AFF2: variants seen among roughly 807,000 people sequenced by gnomAD.
AFF2 encodes AF4/FMR2 family member 2.
AFF2 carries 14 observed loss-of-function variants against 76.9 expected under a neutral mutation model. The observed-to-expected ratio is 0.18, with a 90% CI of 0.12 to 0.28. The LOEUF is 0.28. AFF2 is among the 10% of genes least tolerant of loss of function. The pLI is 1.00. For synonymous variants in AFF2, 398 were observed against 366.7 expected, an observed-to-expected ratio of 1.09 and a Z score of -0.98; for missense variants, 868 against 1,001.1, an observed-to-expected ratio of 0.87 and a Z score of 1.79.
chrX:148,605,762 G>A (rs958730641), intron 1 of AFF2, among the ~76,000 whole-genome samples: 9 of 111,822 alleles, frequency 8.0e-5, no homozygotes, highest in Non-Finnish European at 5.7e-5. Flanking sequence ...TGATAGTAAC[G>A]GGTTATGATC....
chrX:148,501,321 G>T (rs1035735144), intron 1 of AFF2, among the ~76,000 whole-genome samples, 177 bp downstream of exon 1: 59 of 112,526 alleles, frequency 5.2e-4, no homozygotes, highest in Non-Finnish European at 8.6e-4. Context: ...ATGCCGGGGT[G>T]GGGGGAGGTG....
At chrX:148,764,098 A>T (rs1394373707) in intron 3 of AFF2, among the ~76,000 whole-genome samples, 1 of 112,138 alleles carries the variant, frequency 8.9e-6, no homozygotes, top group African/African-American at 3.2e-5. Context: ...CTGCCTTTTA[A>T]ATACCAAAGA....
At chrX:148,871,645 G>A (rs140548683) in intron 7 of AFF2, among the ~76,000 whole-genome samples, 75 of 111,630 alleles carry the variant, frequency 6.7e-4, no homozygotes, top group African/African-American at 1.5e-3. Flanking sequence ...ATGGGGGCAG[G>A]TGATTTGTAC....
intron 3 of AFF2, among the ~76,000 whole-genome samples, chrX:148,805,722 G>C (rs2070122063): frequency 8.9e-6 from 1 of 112,863 alleles, no homozygotes; most frequent in South Asian, 3.6e-4. Flanking sequence ...GATAATTTGT[G>C]TGTGGTCTCT....
intron 12 of AFF2, among the ~76,000 whole-genome samples, chrX:148,961,374 C>T (rs1465291790): frequency 8.9e-6 from 1 of 112,435 alleles, no homozygotes; most frequent in Non-Finnish European, 1.9e-5. Flanking sequence ...TGTTCACCAT[C>T]ATTTTAATCA....
intron 2 of AFF2, among the ~76,000 whole-genome samples, chrX:148,656,233 CA>C (rs1171904935): frequency 1.8e-4 from 20 of 111,728 alleles, no homozygotes; most frequent in Non-Finnish European, 1.9e-5. Context: ...ATATGATTTT[CA>C]AATTGGAGTT....
intron 3 of AFF2, among the ~76,000 whole-genome samples, chrX:148,801,789 C>T (rs184381799): frequency 1.6e-4 from 18 of 111,647 alleles, no homozygotes; most frequent in Middle Eastern, 9.2e-3. Context: ...CTCCACATCA[C>T]CACTTTATAT....
chrX:148,994,119 G>A lies in AFF2; in HGVS notation c.*2787G>A, dbSNP rs191480494. The A allele has an allele frequency of 5.4e-5, 6 of 111,240 alleles. No individual in the cohort carries two copies. The highest frequency in any genetic ancestry group is 4.6e-3 in the Middle Eastern group (1 of 216). The allele number at this position is 111,240 out of a possible 1,213,427, so 9.2% of individuals were successfully genotyped here. On this transcript the variant is annotated 3_prime_UTR_variant, in exon 21 of 21. Coordinates refer to ENST00000370460, the MANE Select transcript of AFF2 (RefSeq NM_002025.4). ...GACACACTTAAATAAGCACGTGGAG[G>A]TTAGAATAGAGGGCAGAGTAAAAGG...
intron 1 of AFF2, among the ~76,000 whole-genome samples, chrX:148,642,625 G>A (rs2054101313): frequency 1.8e-5 from 2 of 111,856 alleles, no homozygotes; most frequent in Admixed American, 1.9e-4. Context: ...CTTGGGACGT[G>A]GCGCATGGGA....
intron 1 of AFF2, among the ~76,000 whole-genome samples, chrX:148,602,449 G>T (rs1557248197): frequency 2.7e-5 from 3 of 109,819 alleles, no homozygotes; most frequent in Non-Finnish European, 3.8e-5. Flanking sequence ...GGATTGGGGG[G>T]TGTGGGATTG....
At chrX:148,983,767 G>A (rs894654741) in intron 19 of AFF2, among the ~76,000 whole-genome samples, 73 of 108,418 alleles carry the variant, frequency 6.7e-4, no homozygotes, top group East Asian at 1.5e-3. Flanking sequence ...CAGGCCTTTT[G>A]TAGACATATC....
chrX:148,558,487 T>C (rs1322372138), intron 1 of AFF2, among the ~76,000 whole-genome samples: 1 of 111,468 alleles, frequency 9.0e-6, no homozygotes, highest in Non-Finnish European at 1.9e-5. Flanking sequence ...GACATATATA[T>C]AGCTGCTCTG....
chrX:148,806,499 C>G (rs782139875), intron 3 of AFF2, among the ~76,000 whole-genome samples: 6 of 111,813 alleles, frequency 5.4e-5, no homozygotes, highest in Non-Finnish European at 5.6e-5. Context: ...ATCAGACCTC[C>G]TGTTTGGTCT....
At position 148,940,721 on chromosome X, in the gene AFF2, C is replaced by A. The variant is rs200420742; in HGVS notation, c.1398-12859C>A. On this transcript the variant is annotated intron_variant, in intron 9 of 20. Coordinates refer to ENST00000370460, the MANE Select transcript of AFF2 (RefSeq NM_002025.4). ...GTTGTAAGCCCTGCCATTCCACATA[C>A]AGGAGTCAGTGTTGAGTAAGGCTGC... Among the ~76,000 whole-genome samples the A allele has an allele frequency of 1.2e-4, 13 of 111,738 alleles. No individual in the cohort carries two copies. In the East Asian group the frequency reaches 2.8e-3, roughly 24 times the overall value.
At chrX:148,984,410 A>G (rs782176397) in intron 19 of AFF2, among the ~76,000 whole-genome samples, 1 of 111,976 alleles carries the variant, frequency 8.9e-6, no homozygotes, top group East Asian at 2.8e-4. Context: ...AAGCAGATAC[A>G]CACAAAGAAC....
At chrX:148,850,525 C>A (rs1197800376) in intron 7 of AFF2, among the ~76,000 whole-genome samples, 1 of 111,280 alleles carries the variant, frequency 9.0e-6, no homozygotes, top group Non-Finnish European at 1.9e-5. Flanking sequence ...ATAACACACC[C>A]CCACACACAC....
At chrX:148,700,761 G>A (rs1326980685) in intron 3 of AFF2, among the ~76,000 whole-genome samples, 1 of 110,544 alleles carries the variant, frequency 9.0e-6, no homozygotes, top group Non-Finnish European at 1.9e-5. Flanking sequence ...AAACTACAGG[G>A]CAAATTATAT....
chrX:148,897,811 C>A (rs2071311869), intron 8 of AFF2, among the ~76,000 whole-genome samples: 1 of 110,526 alleles, frequency 9.0e-6, no homozygotes, highest in Admixed American at 9.7e-5. Flanking sequence ...ATTGAATTTT[C>A]AAACCCACAA....
At chrX:148,969,554 A>T (rs375638800) in intron 15 of AFF2, among the ~76,000 whole-genome samples, 1 of 112,332 alleles carries the variant, frequency 8.9e-6, no homozygotes, top group Non-Finnish European at 1.9e-5. Context: ...TAGATCACTT[A>T]TAATATCTAA....
Sources: allele counts gnomAD v4.1 joint callset (sites outside exome capture counted in the v4.1 genomes callset), GRCh38; gene constraint gnomAD v4.1.1; transcripts MANE v1.5; gene names NCBI Gene and HGNC (gene_info 2026-07-23, HGNC 2026-07-21).